Variants in UBE2E2 observed in about 807,000 individuals in gnomAD.
UBE2E2 encodes the protein ubiquitin conjugating enzyme E2 E2.
Under a neutral mutation model 24.7 loss-of-function variants are expected in UBE2E2, and 6 were observed. That is an observed-to-expected ratio of 0.24 (90% CI 0.13 to 0.48). UBE2E2 has a LOEUF of 0.48. Ranked by LOEUF, UBE2E2 falls within the 20% of genes least tolerant of loss-of-function variation. The pLI is 0.99. For missense variants in UBE2E2, 169 were observed against 245.0 expected, an observed-to-expected ratio of 0.69 and a Z score of 2.07; for synonymous variants, 104 against 83.6, an observed-to-expected ratio of 1.24 and a Z score of -1.33.
At chr3:23,330,172 T>C (rs1443840910) in intron 3 of UBE2E2, among the ~76,000 whole-genome samples, 4 of 152,204 alleles carry the variant, frequency 2.6e-5, no homozygotes, top group Non-Finnish European at 5.9e-5. Context: ...ATTTTAAAAC[T>C]AAAGTGTTAA....
At chr3:23,520,733 C>A (rs1443992624) in intron 4 of UBE2E2, among the ~76,000 whole-genome samples, 1 of 152,162 alleles carries the variant, frequency 6.6e-6, no homozygotes, top group Non-Finnish European at 1.5e-5. Context: ...GCCTCATATT[C>A]CTGGGCACAA....
intron 5 of UBE2E2, among the ~76,000 whole-genome samples, chr3:23,579,194 C>T (rs1232392778): frequency 6.6e-6 from 1 of 152,060 alleles, no homozygotes; most frequent in East Asian, 1.9e-4. Flanking sequence ...AGATCGAGAC[C>T]TTCCTGGCTA....
At chr3:23,258,405 C>T (rs1237963231) in intron 3 of UBE2E2, among the ~76,000 whole-genome samples, 18 of 152,130 alleles carry the variant, frequency 1.2e-4, no homozygotes, top group Admixed American at 1.0e-3. Flanking sequence ...TAAACATGTT[C>T]GTATCAACGG....
At chr3:23,308,385 T>C (rs1360874169) in intron 3 of UBE2E2, among the ~76,000 whole-genome samples, 2 of 152,188 alleles carry the variant, frequency 1.3e-5, no homozygotes, top group African/African-American at 4.8e-5. Flanking sequence ...TCATTATCCT[T>C]CATTGCGAAG....
intron 2 of UBE2E2, among the ~76,000 whole-genome samples, chr3:23,213,412 AT>A (rs936595500): frequency 6.6e-6 from 1 of 151,584 alleles, no homozygotes; most frequent in Non-Finnish European, 1.5e-5. Context: ...CTCCTCTGCT[AT>A]TTTTTTTAAA....
chr3:23,454,583 C>T (rs897589731), intron 3 of UBE2E2, among the ~76,000 whole-genome samples: 1 of 152,208 alleles, frequency 6.6e-6, no homozygotes, highest in African/African-American at 2.4e-5. Flanking sequence ...AGAAATACCT[C>T]ATATAACACA....
At chr3:23,516,196 A>G (rs1694737251) in intron 4 of UBE2E2, among the ~76,000 whole-genome samples, 1 of 152,206 alleles carries the variant, frequency 6.6e-6, no homozygotes, top group Non-Finnish European at 1.5e-5. Context: ...CCCTCAAAAG[A>G]TTGTGTGAAC....
rs1267594837 is a variant in UBE2E2, at chr3:23,591,669, C to G, written c.*1838C>G. 1 of 152,136 alleles carries G rather than the reference C, an allele frequency of 6.6e-6. No homozygotes were observed. The highest frequency in any genetic ancestry group is 1.9e-4 in the East Asian group (1 of 5,190). The allele number at this position is 152,136 out of a possible 1,614,324, so 9.4% of individuals were successfully genotyped here. On this transcript the variant is annotated 3_prime_UTR_variant, in exon 6 of 6. Coordinates refer to ENST00000396703, the MANE Select transcript of UBE2E2 (RefSeq NM_152653.4). ...TTACCACCATAGGCATGGGATTTGG[C>G]CCATGGGTTGTAGTTTGCCAATCCC...
intron 3 of UBE2E2, among the ~76,000 whole-genome samples, chr3:23,449,240 G>A (rs1029054831): frequency 2.0e-5 from 3 of 152,270 alleles, no homozygotes; most frequent in Non-Finnish European, 4.4e-5. Flanking sequence ...TAAGTGTAAG[G>A]GGGATTTTTA....
At chr3:23,259,109 T>C (rs1697828405) in intron 3 of UBE2E2, among the ~76,000 whole-genome samples, 1 of 152,126 alleles carries the variant, frequency 6.6e-6, no homozygotes, top group Non-Finnish European at 1.5e-5. Context: ...CACAAGTCAC[T>C]TTAGGGTATG....
chr3:23,446,600 C>A (rs572550621), intron 3 of UBE2E2, among the ~76,000 whole-genome samples: 1 of 151,702 alleles, frequency 6.6e-6, no homozygotes, highest in East Asian at 1.9e-4. Flanking sequence ...TTCACCATAT[C>A]AGTAGCTGAG....
chr3:23,461,869 T>C (rs1698811019), intron 3 of UBE2E2, among the ~76,000 whole-genome samples: 1 of 152,198 alleles, frequency 6.6e-6, no homozygotes, highest in Non-Finnish European at 1.5e-5. Context: ...CCAATAAAAC[T>C]GTTACTTCAA....
At chr3:23,283,352 C>T (rs1324181385) in intron 3 of UBE2E2, among the ~76,000 whole-genome samples, 3 of 152,102 alleles carry the variant, frequency 2.0e-5, no homozygotes, top group Non-Finnish European at 4.4e-5. Context: ...TTACATATTA[C>T]TCTAAAACTC....
At chr3:23,432,715 T>G (rs1029110044) in intron 3 of UBE2E2, among the ~76,000 whole-genome samples, 46 of 152,010 alleles carry the variant, frequency 3.0e-4, no homozygotes, top group African/African-American at 1.1e-3. Context: ...TAATTGAACT[T>G]TTGAAAGAAC....
In UBE2E2 at chr3:23,505,072, ATTTTTGTTTTTT is replaced by A. The variant is rs1268843889; in HGVS notation, c.360+5352_360+5363del. On this transcript the variant is annotated intron_variant, in intron 4 of 5. Transcript: ENST00000396703. ...AGGCACACACCACCACACCTGGCTA[ATTTTTGTTTTTT>A]TTTTTGTTTTTTTTTTTGTAGAGAC... is the stretch of plus-strand genomic sequence containing the variant. Among the ~76,000 whole-genome samples the A allele has an allele frequency of 1.6e-3, 156 of 99,548 alleles. 3 individuals are homozygous for A. The East Asian group carries it at 0.033, about 21-fold the overall frequency. 65.3% of individuals were successfully genotyped at this position (99,548 alleles called of 152,430 possible).
At chr3:23,532,445 TG>T in intron 4 of UBE2E2, 108 bp from the exon 5 acceptor site, 1 of 923,090 alleles carries the variant, frequency 1.1e-6, no homozygotes, top group Non-Finnish European at 1.5e-6. Flanking sequence ...ACCAATAGCC[TG>T]GGCTATTTTG....
intron 3 of UBE2E2, among the ~76,000 whole-genome samples, chr3:23,359,975 G>A (rs1205177852): frequency 2.2e-5 from 3 of 137,278 alleles, no homozygotes; most frequent in African/African-American, 5.6e-5. Context: ...CCTCTCTCTT[G>A]ATGCCCCAGG....
intron 3 of UBE2E2, among the ~76,000 whole-genome samples, chr3:23,476,319 T>C (rs75303112): frequency 5.9e-5 from 9 of 152,176 alleles, no homozygotes; most frequent in African/African-American, 2.2e-4. Flanking sequence ...GCATAGGACA[T>C]TGAATGTAAT....
intron 3 of UBE2E2, among the ~76,000 whole-genome samples, chr3:23,418,114 A>G (rs1046686660): frequency 6.6e-6 from 1 of 152,066 alleles, no homozygotes; most frequent in African/African-American, 2.4e-5. Flanking sequence ...ATGAAAAAAA[A>G]TCCTGCAGCT....
Sources: gnomAD v4.1 joint callset for allele counts (sites outside exome capture counted in the v4.1 genomes callset) on GRCh38, gnomAD v4.1.1 for gene constraint, MANE v1.5 for transcripts, NCBI Gene and HGNC (gene_info 2026-07-23, HGNC 2026-07-21) for gene names.